DEFB115: variants seen among roughly 807,000 people sequenced by gnomAD.
DEFB115 encodes beta-defensin 115.
DEFB115 carries 7 observed loss-of-function variants against 8.8 expected under a neutral mutation model. The ratio of observed to expected loss-of-function variants is 0.79; its 90% CI spans 0.45 to 1.49. The LOEUF (loss-of-function observed/expected upper bound fraction) is 1.49, where lower values mean the gene tolerates loss of function less well. DEFB115 is among the 40% of genes most tolerant of loss of function. The pLI, the probability that DEFB115 is intolerant of heterozygous loss-of-function variation, is 0.01. For missense variants in DEFB115, 143 were observed against 99.4 expected (o/e 1.44, Z -1.86); for synonymous variants, 62 against 37.6 (o/e 1.65, Z -2.37).
chr20:31,259,411 T>G, intron 1 of DEFB115, 49 bp from the exon 2 acceptor site: 3 of 1,492,808 alleles, frequency 2.0e-6, no homozygotes, highest in Non-Finnish European at 2.7e-6. Flanking sequence ...TTAATTGTAT[T>G]TATTTTTCAA....
intron 1 of DEFB115, among the ~76,000 whole-genome samples, chr20:31,258,446 T>C (rs958900411): frequency 4.6e-5 from 7 of 152,200 alleles, no homozygotes; most frequent in Non-Finnish European, 7.3e-5. Flanking sequence ...TGATTTTTAA[T>C]TCTGTGATTT....
chr20:31,259,040 C>T (rs147808213), intron 1 of DEFB115, among the ~76,000 whole-genome samples: 1 of 152,066 alleles, frequency 6.6e-6, no homozygotes. Context: ...TTTAAACAAC[C>T]CCTGGGGCAA....
intron 1 of DEFB115, 61 bp downstream of exon 1, chr20:31,257,818 C>A: frequency 1.4e-6 from 2 of 1,453,054 alleles, no homozygotes; most frequent in South Asian, 1.1e-5. Context: ...ACCACAGAAT[C>A]ACTGGAAAAT....
intron 1 of DEFB115, 33 bp downstream of exon 1, chr20:31,257,790 A>G (rs1196294909): frequency 1.3e-6 from 2 of 1,570,180 alleles, no homozygotes; most frequent in Admixed American, 3.3e-5. Context: ...GGGAAAAGGG[A>G]GTAAGGATGG....
At chr20:31,258,536 T>A (rs574436828) in intron 1 of DEFB115, among the ~76,000 whole-genome samples, 1 of 152,328 alleles carries the variant, frequency 6.6e-6, no homozygotes, top group South Asian at 2.1e-4. Context: ...AATCACTCAG[T>A]TGTTCTAGAA....
intron 1 of DEFB115, among the ~76,000 whole-genome samples, chr20:31,258,127 T>G (rs1021626626): frequency 2.6e-5 from 4 of 152,234 alleles, no homozygotes; most frequent in African/African-American, 9.6e-5. Flanking sequence ...CCTCTTCTAA[T>G]AATCAGTCTC....
rs746658854 is a variant in DEFB115, at chr20:31,257,689, T to C, written c.26T>C (p.Leu9Pro). 32 of 1,613,952 alleles carry C rather than the reference T, an allele frequency of 2.0e-5. No individual in the cohort carries two copies. The highest frequency in any genetic ancestry group is 2.5e-5 in the Non-Finnish European group (30 of 1,179,900). The stretch of plus-strand genomic sequence containing the variant: ...ATGCTGCCAGATCATTTCTCACCCC[T>C]CTCAGGAGACATTAAACTCTCTGTC... MLPDHFSP[L>P]SGDIKLSVLA... is the part of the protein sequence containing the mutation. The change falls in exon 1 of 2, where the codon CTC becomes CCC. Residue 9 changes from leucine (L) to proline (P), a missense_variant. Coordinates refer to ENST00000400552, the MANE Select transcript of DEFB115 (RefSeq NM_001037730.1).
At chr20:31,258,598 T>A (rs1983817087) in intron 1 of DEFB115, among the ~76,000 whole-genome samples, 1 of 152,172 alleles carries the variant, frequency 6.6e-6, no homozygotes. Flanking sequence ...GCATGCCTTA[T>A]GTTCCAGCGA....
At position 31,257,775 on chromosome 20, in the gene DEFB115, G is replaced by GA; in HGVS notation, c.94+19dup. 6.2e-7 allele frequency: 1 copy of GA among 1,600,752 alleles called. No individual in the cohort carries two copies. Among genetic ancestry groups the GA allele is most frequent in the Non-Finnish European group, 8.6e-7 (1 of 1,168,008 alleles). On this transcript the variant is annotated intron_variant, in intron 1 of 1. Coordinates refer to ENST00000400552, the MANE Select transcript of DEFB115 (RefSeq NM_001037730.1). ...TGCCCCAGGTAAACAGAACCATGGA[G>GA]AGAAGGGAAAAGGGAGTAAGGATGG...
At chr20:31,257,849 G>T (rs1439778641) in intron 1 of DEFB115, 92 bp downstream of exon 1, 1 of 1,152,666 alleles carries the variant, frequency 8.7e-7, no homozygotes, top group Non-Finnish European at 1.3e-6. Context: ...TAGAAGCAAG[G>T]AGAGCCCACA....
chr20:31,258,806 A>G (rs1156280038), intron 1 of DEFB115, among the ~76,000 whole-genome samples: 3 of 152,182 alleles, frequency 2.0e-5, no homozygotes, highest in African/African-American at 4.8e-5. Flanking sequence ...AAGTGGAAAG[A>G]ATCTGTAGTT....
intron 1 of DEFB115, 110 bp downstream of exon 1, chr20:31,257,867 C>G (rs1983797632): frequency 1.1e-6 from 1 of 936,436 alleles, no homozygotes; most frequent in African/African-American, 1.6e-5. Context: ...ACAGGGATGG[C>G]TGAGATCTGA....
intron 1 of DEFB115, among the ~76,000 whole-genome samples, chr20:31,258,936 C>G (rs576862713): frequency 1.3e-5 from 2 of 152,110 alleles, no homozygotes; most frequent in East Asian, 3.9e-4. Context: ...GTTAAACCCT[C>G]CCTGCACCCA....
At chr20:31,258,035 G>C (rs906134210) in intron 1 of DEFB115, among the ~76,000 whole-genome samples, 2 of 152,154 alleles carry the variant, frequency 1.3e-5, no homozygotes, top group East Asian at 1.9e-4. Context: ...AACATCTCTA[G>C]TATCCTGAAT....
At chr20:31,258,181 T>C (rs1275297861) in intron 1 of DEFB115, among the ~76,000 whole-genome samples, 2 of 152,296 alleles carry the variant, frequency 1.3e-5, no homozygotes, top group African/African-American at 2.4e-5. Context: ...AGTGCTCCTT[T>C]AAAGCAGGCA....
chr20:31,258,858 T>G (rs540672654), intron 1 of DEFB115, among the ~76,000 whole-genome samples: 1 of 152,112 alleles, frequency 6.6e-6, no homozygotes, highest in Non-Finnish European at 1.5e-5. Context: ...TCCAATGTGC[T>G]GAGAAAACTG....
chr20:31,257,792 T>A lies in DEFB115; in HGVS notation c.94+35T>A, dbSNP rs142064023. ...ACCATGGAGAGAAGGGAAAAGGGAG[T>A]AAGGATGGGGTCCTAACCACAGAAT... is the stretch of plus-strand genomic sequence containing the variant. On this transcript the variant is annotated intron_variant, in intron 1 of 1. Transcript: ENST00000400552. 612 of 1,563,514 alleles carry A rather than the reference T, an allele frequency of 3.9e-4. 1 individual carries two copies. The African/African-American group carries it at 7.1e-3, about 18-fold the overall frequency.
intron 1 of DEFB115, among the ~76,000 whole-genome samples, chr20:31,258,998 G>C (rs973517764): frequency 2.6e-5 from 4 of 152,048 alleles, no homozygotes; most frequent in Non-Finnish European, 4.4e-5. Context: ...GCTCAGAAAT[G>C]TAAATTGGTC....
At position 31,259,453 on chromosome 20, in the gene DEFB115, T is replaced by A. The variant is rs1983843187; in HGVS notation, c.95-7T>A. 1.9e-6 allele frequency: 3 copies of A among 1,585,090 alleles called. No individual in the cohort carries two copies. In the East Asian group the frequency reaches 6.7e-5, roughly 36 times the overall value. On this transcript the variant is annotated splice_polypyrimidine_tract_variant and splice_region_variant and intron_variant, in intron 1 of 1. Transcript: ENST00000400552. Reference sequence around the variant, plus strand: ...TTATATATTCATGTGTTTGCTTATTTTGATAGATGGATGGATCAGAAGGTG... The same window carrying A: ...TTATATATTCATGTGTTTGCTTATTATGATAGATGGATGGATCAGAAGGTG...
Sources: allele counts gnomAD v4.1 joint callset (sites outside exome capture counted in the v4.1 genomes callset), GRCh38; gene constraint gnomAD v4.1.1; transcripts MANE v1.5; gene names NCBI Gene and HGNC (gene_info 2026-07-23, HGNC 2026-07-21).